Variants in PPOX observed in about 807,000 individuals in gnomAD.
PPOX encodes protoporphyrinogen oxidase.
A neutral mutation model predicts 54.1 loss-of-function variants in PPOX; 23 were observed. That is an observed-to-expected ratio of 0.43 (90% CI 0.31 to 0.60). PPOX has a LOEUF of 0.60. Among genes scored for constraint, PPOX ranks in the 20% least tolerant of loss-of-function variants. PPOX has a pLI of 0.13. For synonymous variants in PPOX, 224 were observed against 236.1 expected (o/e 0.95, Z 0.47); for missense variants, 512 against 601.1 (o/e 0.85, Z 1.55).
Position 161,166,686 on chromosome 1 carries a change from C to G in PPOX, c.-9+14C>G, listed in dbSNP as rs570626025. 2.0e-4 allele frequency: 303 copies of G among 1,518,798 alleles called. No individual in the cohort carries two copies. Among genetic ancestry groups the G allele is most frequent in the Admixed American group, 5.6e-4 (28 of 50,358 alleles). The allele number at this position is 1,518,798 out of a possible 1,614,324, so 94.1% of individuals were successfully genotyped here. ...TACCTATTGTGGGTGAGTCCTGGCC[C>G]CTGGACGGGGACCTCGCTGTTCCAC... On this transcript the variant is annotated intron_variant, in intron 1 of 12. Coordinates refer to ENST00000367999, the MANE Select transcript of PPOX (RefSeq NM_001122764.3).
In PPOX at chr1:161,168,589, T is replaced by C; in HGVS notation, c.616+13T>C. ...CTGCTGGGGGCAGGTGAGGGGGGAT[T>C]GATTCAGAGGGTGAAAATATTAAGT... On this transcript the variant is annotated intron_variant, in intron 6 of 12. Transcript: ENST00000367999. 1 of 1,613,588 alleles carries C rather than the reference T, an allele frequency of 6.2e-7. No individual in the cohort carries two copies. Among genetic ancestry groups the C allele is most frequent in the Middle Eastern group, 1.7e-4 (1 of 5,852 alleles).
chr1:161,176,719 G>A (rs1247893133), intron 4 of PPOX: 17 of 708,374 alleles, frequency 2.4e-5, no homozygotes, highest in Admixed American at 1.3e-4. Flanking sequence ...TAGGTCCCTC[G>A]CCTATCTCCC....
chr1:161,168,581 G>C lies in PPOX; in HGVS notation c.616+5G>C. 1 of 1,613,814 alleles carries C rather than the reference G, an allele frequency of 6.2e-7. No homozygotes were observed. The highest frequency in any genetic ancestry group is 8.5e-7 in the Non-Finnish European group (1 of 1,179,844). Reference sequence around the variant, plus strand: ...TGGGCCTGCTGCTGGGGGCAGGTGAGGGGGGATTGATTCAGAGGGTGAAAA... The same window carrying C: ...TGGGCCTGCTGCTGGGGGCAGGTGACGGGGGATTGATTCAGAGGGTGAAAA... On this transcript the variant is annotated splice_donor_5th_base_variant and intron_variant, in intron 6 of 12. Transcript: ENST00000367999.
chr1:161,177,295 C>G, downstream of PPOX: 1 of 569,800 alleles, frequency 1.8e-6, no homozygotes, highest in Non-Finnish European at 3.1e-6. Context: ...GGCCCCCGTC[C>G]ATACTTCCAC....
intron 6 of PPOX, 40 bp downstream of exon 6, chr1:161,168,616 C>A: frequency 1.2e-6 from 2 of 1,605,790 alleles, no homozygotes; most frequent in Non-Finnish European, 1.7e-6. Flanking sequence ...ATATTAAGTA[C>A]TGCCAAAGTG....
intron 4 of PPOX, 153 bp downstream of exon 4, chr1:161,167,639 A>C: frequency 9.1e-7 from 1 of 1,099,052 alleles, no homozygotes; most frequent in Non-Finnish European, 1.2e-6. Flanking sequence ...ATCTTGGCTC[A>C]CTGCAACTTC....
downstream of PPOX, among the ~76,000 whole-genome samples, chr1:161,175,577 A>G (rs576197513): frequency 2.0e-5 from 3 of 152,208 alleles, no homozygotes; most frequent in East Asian, 1.9e-4. Flanking sequence ...AAGAGCCCAT[A>G]AAGGGACAAG....
At chr1:161,177,516 T>TC (rs1465891282), downstream of PPOX, 4 of 169,882 alleles carry the variant, frequency 2.4e-5, no homozygotes, top group African/African-American at 9.6e-5. Flanking sequence ...GGGCGGGGTC[T>TC]CGCGTCATGG....
At chr1:161,165,963 T>C (rs1024043876), upstream of PPOX, 1 of 356,928 alleles carries the variant, frequency 2.8e-6, no homozygotes, top group African/African-American at 2.2e-5. Flanking sequence ...GGCGACTGGT[T>C]TGGTCGGCGA....
At chr1:161,173,604 C>A, downstream of PPOX, 1 of 1,613,772 alleles carries the variant, frequency 6.2e-7, no homozygotes, top group Non-Finnish European at 8.5e-7. Flanking sequence ...GGAAGTCTGA[C>A]CTGGTAGCAA....
intron 1 of PPOX, 83 bp from the exon 2 acceptor site, chr1:161,166,757 C>A: frequency 6.3e-7 from 1 of 1,586,272 alleles, no homozygotes; most frequent in Non-Finnish European, 8.5e-7. Flanking sequence ...AGTGAGTGGC[C>A]GGGATAGAAC....
chr1:161,168,054 A>T lies in PPOX; in HGVS notation c.398A>T (p.Glu133Val). Reference protein sequence around the residue: ...SKPLFWAGLRELTKPRGKEPD... With the variant: ...SKPLFWAGLRVLTKPRGKEPD... ...CCTCTGTTTTGGGCTGGGCTGAGGG[A>T]GCTGACCAAGCCCCGGGGCAAAGAG... The change falls in exon 5 of 13, where the codon GAG becomes GTG. Residue 133 changes from glutamate to valine, a missense_variant. Glu to Val is a moderately radical substitution (Grantham distance 121). Transcript: ENST00000367999. The T allele has an allele frequency of 2.5e-6, 4 of 1,613,904 alleles. No homozygotes were observed. Among genetic ancestry groups the T allele is most frequent in the Non-Finnish European group, 2.5e-6 (3 of 1,179,958 alleles).
chr1:161,168,951 A>G (rs1288563357), intron 6 of PPOX, 42 bp from the exon 7 acceptor site: 4 of 1,608,840 alleles, frequency 2.5e-6, no homozygotes, highest in Non-Finnish European at 3.4e-6. Flanking sequence ...GGTGTGAGCC[A>G]CTGCATCCAG....
chr1:161,174,350 G>T (rs1171815097), downstream of PPOX, among the ~76,000 whole-genome samples: 5 of 150,858 alleles, frequency 3.3e-5, no homozygotes, highest in Admixed American at 6.6e-5. Context: ...GGAGCTTGCA[G>T]TCAGCCGAGA....
Position 161,170,450 on chromosome 1 carries a change from C to G in PPOX, c.1029C>G (p.Val343=), listed in dbSNP as rs1660910933. 1.2e-6 allele frequency: 2 copies of G among 1,613,960 alleles called. No individual in the cohort carries two copies. Among genetic ancestry groups the G allele is most frequent in the African/African-American group, 2.7e-5 (2 of 74,890 alleles). ...HLVPSSEDPG[V]LGIVYDSVAF... ...TGCCATCTTCAGAAGATCCAGGAGTCCTGGGAATCGTGTATGACTCAGTTG... is the reference window on the plus strand; with the variant it reads ...TGCCATCTTCAGAAGATCCAGGAGTGCTGGGAATCGTGTATGACTCAGTTG... The change falls in exon 10 of 13, where the codon GTC becomes GTG. Residue 343 remains valine, a synonymous_variant. Coordinates refer to ENST00000367999, the MANE Select transcript of PPOX (RefSeq NM_001122764.3).
chr1:161,177,151 G>T, downstream of PPOX: 1 of 1,422,316 alleles, frequency 7.0e-7, no homozygotes, highest in Non-Finnish European at 9.5e-7. Flanking sequence ...GACAGTCAGG[G>T]GTGGCTGGAA....
chr1:161,172,418 A>T, downstream of PPOX: 2 of 1,203,890 alleles, frequency 1.7e-6, no homozygotes, highest in Non-Finnish European at 2.3e-6. Context: ...ACAAAAAAAC[A>T]ACTATTACTT....
chr1:161,169,557 G>A (rs1042186905), intron 7 of PPOX, 103 bp from the exon 8 acceptor site: 42 of 1,225,472 alleles, frequency 3.4e-5, no homozygotes, highest in Admixed American at 1.0e-4. Flanking sequence ...CAGTCTCCCC[G>A]GCCACATGGG....
chr1:161,176,053 C>T (rs375294931), downstream of PPOX: 21 of 1,613,890 alleles, frequency 1.3e-5, no homozygotes, highest in East Asian at 2.2e-5. Context: ...CAGCAGCCTC[C>T]GCAACATCCT....
Sources: allele counts gnomAD v4.1 joint callset (sites outside exome capture counted in the v4.1 genomes callset), GRCh38; gene constraint gnomAD v4.1.1; transcripts MANE v1.5; gene names NCBI Gene and HGNC (gene_info 2026-07-23, HGNC 2026-07-21).